Variants in MAP1B observed in about 807,000 individuals in gnomAD.
MAP1B encodes the protein microtubule-associated protein 1B.
In MAP1B, 12 loss-of-function variants were observed where a neutral mutation model predicts 176.1. That is an observed-to-expected ratio of 0.07 (90% confidence interval 0.04 to 0.11). The LOEUF (loss-of-function observed/expected upper bound fraction) is 0.11, where lower values mean the gene tolerates loss of function less well. Ranked by LOEUF, MAP1B falls within the 10% of genes least tolerant of loss-of-function variation. The pLI, the probability that MAP1B is intolerant of heterozygous loss-of-function variation, is 1.00. For synonymous variants in MAP1B, 1,044 were observed against 1,135.0 expected, an observed-to-expected ratio of 0.92 and a Z score of 1.61; for missense variants, 2,523 against 2,990.5, an observed-to-expected ratio of 0.84 and a Z score of 3.65.
At chr5:72,169,753 G>A (rs899419038) in intron 2 of MAP1B, among the ~76,000 whole-genome samples, 2 of 152,160 alleles carry the variant, frequency 1.3e-5, no homozygotes, top group African/African-American at 4.8e-5. Context: ...AGTCTTATAA[G>A]TTGGTTGGAG....
intron 1 of MAP1B, among the ~76,000 whole-genome samples, 193 bp from the exon 2 acceptor site, chr5:72,115,505 C>T (rs41272272): frequency 3.5e-4 from 53 of 152,322 alleles, no homozygotes; most frequent in Admixed American, 8.5e-4. Flanking sequence ...AATTATCCCT[C>T]CCTTGTGGCC....
chr5:72,197,046 G>A lies in MAP1B; in HGVS notation c.3691G>A (p.Val1231Met). Reference protein sequence around the residue: ...SALRDAYCSEVKASTTLDIKD... With the variant: ...SALRDAYCSEMKASTTLDIKD... ...TTTACGTGATGCTTACTGCTCTGAA[G>A]TGAAAGCCAGCACCACTTTGGACAT... Residue 1231 changes from valine (V) to methionine (M), a missense_variant, in exon 5 of 7, where the codon GTG (valine) becomes ATG (methionine). Around this residue, in one of 4 missense-constraint regions of MAP1B, gnomAD observed 1,925 missense variants for 2,126.0 expected, o/e 0.91. Coordinates refer to ENST00000296755, the MANE Select transcript of MAP1B (RefSeq NM_005909.5). The A allele has an allele frequency of 6.2e-7, 1 of 1,614,218 alleles. No homozygotes were observed. Among genetic ancestry groups the A allele is most frequent in the Non-Finnish European group, 8.5e-7 (1 of 1,180,036 alleles).
chr5:72,185,015 T>C (rs985006306), intron 3 of MAP1B, among the ~76,000 whole-genome samples: 1 of 152,224 alleles, frequency 6.6e-6, no homozygotes, highest in African/African-American at 2.4e-5. Context: ...CTGCCTGTCC[T>C]GATTTGCCAA....
At chr5:72,173,243 A>G (rs1746579582) in intron 2 of MAP1B, among the ~76,000 whole-genome samples, 1 of 152,208 alleles carries the variant, frequency 6.6e-6, no homozygotes, top group African/African-American at 2.4e-5. Flanking sequence ...TCTGCTGTGT[A>G]TCAGACCCTC....
rs939915601 is a variant in MAP1B, at chr5:72,198,812, T to G, written c.5457T>G (p.Ser1819=). ...CAGCAACTTGCCACAGTTCCTCTTCTCCACCAATAGATGCAGCATCCGCAG... is the reference window on the plus strand; with the variant it reads ...CAGCAACTTGCCACAGTTCCTCTTCGCCACCAATAGATGCAGCATCCGCAG... The part of the protein sequence containing the change: ...EKTATCHSSS[S]PPIDAASAEP... Residue 1819 remains serine (S), a synonymous_variant, in exon 5 of 7, where the codon TCT becomes TCG. Transcript: ENST00000296755. 8 of 1,614,208 alleles carry G rather than the reference T, an allele frequency of 5.0e-6. No individual in the cohort carries two copies. Among genetic ancestry groups the G allele is most frequent in the South Asian group, 1.1e-5 (1 of 91,078 alleles).
At chr5:72,167,407 G>T (rs544062386) in intron 2 of MAP1B, among the ~76,000 whole-genome samples, 97 of 152,244 alleles carry the variant, frequency 6.4e-4, no homozygotes, top group Non-Finnish European at 9.6e-4. Context: ...GTATGAGCTG[G>T]TTCTCTCTCT....
rs1236343352 is a variant in MAP1B at position 72,204,678 on chromosome 5, TACTC to T, written c.7252-403_7252-400del. Among the ~76,000 whole-genome samples, 2 of 152,334 alleles carry T rather than the reference TACTC, an allele frequency of 1.3e-5. No individual in the cohort carries two copies. The highest frequency in any genetic ancestry group is 2.1e-4 in the South Asian group (1 of 4,826). ...TTTGTTCTCAGGACAAAATGTTAGT[TACTC>T]ACAATGAGTGGGCTTTTGAGGGCTT... On this transcript the variant is annotated intron_variant, in intron 6 of 6. Transcript: ENST00000296755. This position sits in a 1 kb window ranked among gnomAD's most constrained non-coding sequence, Gnocchi z 4.4.
At chr5:72,193,336 T>C in intron 4 of MAP1B, 1 of 354,470 alleles carries the variant, frequency 2.8e-6, no homozygotes, top group Non-Finnish European at 5.4e-6. Context: ...AAGGTATCCA[T>C]CAGGCCTTTT....
intron 1 of MAP1B, 73 bp from the exon 2 acceptor site, chr5:72,115,624 TA>T (rs1745418703): frequency 1.2e-6 from 1 of 846,434 alleles, no homozygotes; most frequent in Admixed American, 1.7e-5. Context: ...TGAGAAATAT[TA>T]CAGTGATGTT....
intron 2 of MAP1B, among the ~76,000 whole-genome samples, chr5:72,161,872 G>T (rs912377954): frequency 6.8e-6 from 1 of 148,026 alleles, no homozygotes; most frequent in African/African-American, 2.5e-5. Context: ...CAGGAGAATT[G>T]CTTGAACCCG....
chr5:72,119,158 G>A, intron 2 of MAP1B, among the ~76,000 whole-genome samples: 1 of 151,516 alleles, frequency 6.6e-6, no homozygotes, highest in East Asian at 1.9e-4. Context: ...GGGTGCCTCA[G>A]TTCCCCAGAA....
chr5:72,124,086 A>C (rs569641833), intron 2 of MAP1B, among the ~76,000 whole-genome samples: 4 of 152,338 alleles, frequency 2.6e-5, no homozygotes, highest in South Asian at 4.1e-4. Flanking sequence ...TCACAATGAC[A>C]AAGGTTACCC....
At chr5:72,141,595 G>A (rs1745947298) in intron 2 of MAP1B, among the ~76,000 whole-genome samples, 1 of 152,184 alleles carries the variant, frequency 6.6e-6, no homozygotes, top group Non-Finnish European at 1.5e-5. Flanking sequence ...GGGTGAGCCA[G>A]CCTCTCAGTA....
chr5:72,169,256 A>G (rs925331184), intron 2 of MAP1B, among the ~76,000 whole-genome samples: 7 of 152,152 alleles, frequency 4.6e-5, no homozygotes, highest in Admixed American at 3.9e-4. Flanking sequence ...AACTCCTGAC[A>G]CTTTGGGGCA....
chr5:72,177,323 T>C (rs1746670421), intron 2 of MAP1B, among the ~76,000 whole-genome samples: 1 of 151,502 alleles, frequency 6.6e-6, no homozygotes, highest in African/African-American at 2.5e-5. Flanking sequence ...GTAAACTATG[T>C]TCACCTCTTT....
At chr5:72,129,157 G>A (rs772955904) in intron 2 of MAP1B, among the ~76,000 whole-genome samples, 6 of 152,202 alleles carry the variant, frequency 3.9e-5, no homozygotes, top group Non-Finnish European at 8.8e-5. Context: ...TAATTGTGTA[G>A]CCATTTACAT....
intron 2 of MAP1B, among the ~76,000 whole-genome samples, chr5:72,166,002 A>G (rs1292454434): frequency 1.3e-5 from 2 of 152,166 alleles, no homozygotes; most frequent in African/African-American, 4.8e-5. Flanking sequence ...GGTAGGCATT[A>G]TTATTATCCC....
At chr5:72,161,567 C>T (rs6877320) in intron 2 of MAP1B, among the ~76,000 whole-genome samples, 2,005 of 152,296 alleles carry the variant, frequency 0.013, 54 homozygotes, top group African/African-American at 0.046. Context: ...GCATTCCTGA[C>T]TTCCTCTGCC....
intron 2 of MAP1B, among the ~76,000 whole-genome samples, chr5:72,146,961 CTTTTTTTTTT>C (rs549281263): frequency 7.4e-6 from 1 of 134,920 alleles, no homozygotes; most frequent in African/African-American, 2.7e-5. Context: ...TCCAAATCTT[CTTTTTTTTTT>C]TTTTTTTTGA....
Sources: allele counts gnomAD v4.1 joint callset (sites outside exome capture counted in the v4.1 genomes callset), GRCh38; gene constraint gnomAD v4.1.1; regional missense constraint gnomAD v4.1.1; non-coding constraint Gnocchi (gnomAD v3.1); transcripts MANE v1.5; gene names NCBI Gene and HGNC (gene_info 2026-07-23, HGNC 2026-07-21).